BTBD8: variants seen among roughly 807,000 people sequenced by gnomAD.
BTBD8 encodes the protein BTB/POZ domain-containing protein 8.
Under a neutral mutation model 162.9 loss-of-function variants are expected in BTBD8, and 110 were observed. That is an observed-to-expected ratio of 0.68 (90% confidence interval 0.58 to 0.79). The LOEUF (loss-of-function observed/expected upper bound fraction) is 0.79, where lower values mean the gene tolerates loss of function less well. Ranked by LOEUF, BTBD8 falls within the 30% of genes least tolerant of loss-of-function variation. The pLI is 0.00. For missense variants in BTBD8, 1,905 were observed against 2,085.4 expected (o/e 0.91, Z 1.68); for synonymous variants, 667 against 716.1 (o/e 0.93, Z 1.10).
chr1:92,093,894 G>T (rs1236889272), intron 2 of BTBD8, among the ~76,000 whole-genome samples: 2 of 152,166 alleles, frequency 1.3e-5, no homozygotes, highest in Non-Finnish European at 2.9e-5. Context: ...TTTAAAAGAA[G>T]ATCCTTGGCA....
At chr1:92,132,326 T>G (rs1649535495) in intron 5 of BTBD8, among the ~76,000 whole-genome samples, 2 of 152,144 alleles carry the variant, frequency 1.3e-5, no homozygotes, top group South Asian at 4.1e-4. Flanking sequence ...TTTTTTTTTT[T>G]TCAGTCTTCC....
chr1:92,158,827 G>A lies in BTBD8; in HGVS notation c.1123-8131G>A, dbSNP rs1046818039. 2.0e-5 allele frequency among the ~76,000 whole-genome samples: 3 copies of A among 152,170 alleles called. No individual in the cohort carries two copies. In the South Asian group the frequency reaches 6.2e-4, roughly 32 times the overall value. Reference sequence around the variant, plus strand: ...ATCTCACTCTGTCACCCAAGCTGGAGTGCAGTGGCATGATCACAGCTCACT... The same window carrying A: ...ATCTCACTCTGTCACCCAAGCTGGAATGCAGTGGCATGATCACAGCTCACT... On this transcript the variant is annotated intron_variant, in intron 9 of 17. Transcript: ENST00000636805.
At chr1:92,098,902 A>G (rs1421697100) in intron 2 of BTBD8, among the ~76,000 whole-genome samples, 1 of 152,152 alleles carries the variant, frequency 6.6e-6, no homozygotes, top group African/African-American at 2.4e-5. Context: ...GAAATCAAAC[A>G]TCTTTAATTT....
rs1364409243 is a variant in BTBD8 at position 92,139,446 on chromosome 1, TAATAATTTAA to T, written c.833+21_833+30del. ...CTAATGTTGGGTATGTATTCCTTTTTAATAATTTAAAATATAAAAGAGTTAGGTTCTGCTT... is the reference window on the plus strand; with the variant it reads ...CTAATGTTGGGTATGTATTCCTTTTTAATATAAAAGAGTTAGGTTCTGCTT... On this transcript the variant is annotated intron_variant, in intron 6 of 17. Transcript: ENST00000636805. 5 of 1,595,066 alleles carry T rather than the reference TAATAATTTAA, an allele frequency of 3.1e-6. No individual in the cohort carries two copies. In the East Asian group the frequency reaches 1.1e-4, roughly 36 times the overall value.
At chr1:92,165,468 A>G (rs993745215) in intron 9 of BTBD8, among the ~76,000 whole-genome samples, 2 of 152,068 alleles carry the variant, frequency 1.3e-5, no homozygotes, top group African/African-American at 2.4e-5. Flanking sequence ...TCTGATGTAG[A>G]TATATGGTAT....
chr1:92,135,112 AC>A (rs1348666587), intron 5 of BTBD8, among the ~76,000 whole-genome samples: 1 of 150,736 alleles, frequency 6.6e-6, no homozygotes, highest in African/African-American at 2.4e-5. Flanking sequence ...GCTGGTCTCG[AC>A]CTCCTGACCT....
intron 9 of BTBD8, among the ~76,000 whole-genome samples, chr1:92,166,745 G>A (rs1386076985): frequency 6.6e-6 from 1 of 151,956 alleles, no homozygotes; most frequent in African/African-American, 2.4e-5. Context: ...ACCTTTTAAA[G>A]GTGGTTTCTT....
Position 92,080,563 on chromosome 1 carries a change from CTG to C in BTBD8, c.-6_-5del. Reference sequence around the variant, plus strand: ...ACTGGGCCTCCAGGGCGTCGTACCTCTGTGAGACATGGCTCGCTGTGGGGAAG... The same window carrying C: ...ACTGGGCCTCCAGGGCGTCGTACCTCTGAGACATGGCTCGCTGTGGGGAAG... On this transcript the variant is annotated 5_prime_UTR_variant, in exon 1 of 18. Transcript: ENST00000636805. The C allele has an allele frequency of 6.2e-7, 1 of 1,613,694 alleles. No homozygotes were observed.
chr1:92,167,052 C>T lies in BTBD8; in HGVS notation c.1217C>T (p.Ala406Val), dbSNP rs1417072602. Reference sequence around the variant, plus strand: ...TGGACGGAAGCAGCACTGACCATGGCGTCTCAGCTTCAAGAAAAATGTATT... The same window carrying T: ...TGGACGGAAGCAGCACTGACCATGGTGTCTCAGCTTCAAGAAAAATGTATT... ...VKWTEAALTM[A>V]SQLQEKCIAF... Residue 406 changes from alanine to valine, a missense_variant, in exon 10 of 18, where the codon GCG becomes GTG. By Grantham distance (64) the Ala-to-Val change is moderately conservative. Transcript: ENST00000636805. The T allele has an allele frequency of 7.7e-6, 12 of 1,550,588 alleles. No homozygotes were observed. The highest frequency in any genetic ancestry group is 4.9e-5 in the East Asian group (2 of 40,920).
rs1570707666 is a variant in BTBD8 at position 92,080,388 on chromosome 1, C to A, written c.-184C>A. 5.0e-6 allele frequency: 4 copies of A among 802,516 alleles called. No homozygotes were observed. Among genetic ancestry groups the A allele is most frequent in the Middle Eastern group, 3.8e-4 (1 of 2,610 alleles). The allele number at this position is 802,516 out of a possible 1,614,324, so 49.7% of individuals were successfully genotyped here. ...GGCTCGGTTCTGGGATTCTGAGGCTCCCCACCGCGGTCCGGCTTCTCTGGG... is the reference window on the plus strand; with the variant it reads ...GGCTCGGTTCTGGGATTCTGAGGCTACCCACCGCGGTCCGGCTTCTCTGGG... On this transcript the variant is annotated 5_prime_UTR_variant, in exon 1 of 18. Coordinates refer to ENST00000636805, the MANE Select transcript of BTBD8 (RefSeq NM_001376131.1).
In BTBD8 at chr1:92,147,205, T is replaced by C; in HGVS notation, c.956T>C (p.Ile319Thr). Residue 319 changes from isoleucine to threonine, a missense_variant, in exon 8 of 18, where the codon ATA (isoleucine) becomes ACA (threonine). Physicochemically the swap from Ile to Thr is moderately conservative, Grantham distance 89. Coordinates refer to ENST00000636805, the MANE Select transcript of BTBD8 (RefSeq NM_001376131.1). ...QKPVPRTLTSILECLIIAHSV... is the reference protein window; with the variant it reads ...QKPVPRTLTSTLECLIIAHSV... ...CCTGTTCCCAGAACATTGACGTCTA[T>C]ACTAGAATGCCTGATTATTGCTCAT... 1 of 1,612,274 alleles carries C rather than the reference T, an allele frequency of 6.2e-7. No individual in the cohort carries two copies.
Position 92,182,072 on chromosome 1 carries a change from A to G in BTBD8, c.4389A>G (p.Val1463=). 6.4e-7 allele frequency: 1 copy of G among 1,551,556 alleles called. No individual in the cohort carries two copies. Among genetic ancestry groups the G allele is most frequent in the Non-Finnish European group, 8.7e-7 (1 of 1,146,924 alleles). ...TCCATACTCCCTTTCAGGCTTCTGT[A>G]GATTCTTTTTCACCTTCTGATGTTT... The part of the protein sequence containing the change: ...GEVHTPFQAS[V]DSFSPSDVFD... The change falls in exon 17 of 18, where the codon GTA becomes GTG. Residue 1463 remains valine, a synonymous_variant. Coordinates refer to ENST00000636805, the MANE Select transcript of BTBD8 (RefSeq NM_001376131.1).
intron 2 of BTBD8, among the ~76,000 whole-genome samples, chr1:92,100,463 G>A (rs1191100012): frequency 6.6e-6 from 1 of 151,856 alleles, no homozygotes; most frequent in African/African-American, 2.4e-5. Context: ...TTTCTTTGAG[G>A]GAAGATTTTG....
rs1444888948 is a variant in BTBD8, at chr1:92,107,946, C to T, written c.607C>T (p.Pro203Ser). 1.2e-6 allele frequency: 2 copies of T among 1,614,014 alleles called. No homozygotes were observed. The highest frequency in any genetic ancestry group is 8.5e-7 in the Non-Finnish European group (1 of 1,179,982). ...GEDLLKLYVK[P>S]CCPDIDIFVD... ...AGATTTATTGAAGCTTTATGTGAAA[C>T]CTTGTTGCCCAGATATTGATATTTT... Residue 203 changes from proline to serine, a missense_variant, in exon 4 of 18, where the codon CCT becomes TCT. By Grantham distance (74) the Pro-to-Ser change is moderately conservative. Coordinates refer to ENST00000636805, the MANE Select transcript of BTBD8 (RefSeq NM_001376131.1).
intron 4 of BTBD8, among the ~76,000 whole-genome samples, chr1:92,124,986 G>A (rs1039454579): frequency 6.6e-6 from 1 of 152,028 alleles, no homozygotes; most frequent in Admixed American, 6.5e-5. Context: ...ATTGTGGAAT[G>A]TATTTTTTAT....
chr1:92,138,894 C>T lies in BTBD8; in HGVS notation c.753-456C>T, dbSNP rs144438650. ...TTCTTTTTCATTTGTGTAATGAGTA[C>T]GTTGGCCAATCTTAGAGCCACTGAC... is the stretch of plus-strand genomic sequence containing the variant. On this transcript the variant is annotated intron_variant, in intron 5 of 17. Coordinates refer to ENST00000636805, the MANE Select transcript of BTBD8 (RefSeq NM_001376131.1). Among the ~76,000 whole-genome samples the T allele has an allele frequency of 1.8e-3, 278 of 152,220 alleles. 3 individuals are homozygous for T. The highest frequency in any genetic ancestry group is 6.0e-3 in the African/African-American group (250 of 41,534).
At chr1:92,151,023 A>G (rs1650031027) in intron 9 of BTBD8, 1 of 152,192 alleles carries the variant, frequency 6.6e-6, no homozygotes, top group Non-Finnish European at 1.5e-5. Context: ...TGAGAAAATA[A>G]GTGTAAGATA....
intron 4 of BTBD8, among the ~76,000 whole-genome samples, chr1:92,118,810 T>TTTTTTTTTTTTTTTTTTC: frequency 6.8e-6 from 1 of 147,506 alleles, no homozygotes; most frequent in Non-Finnish European, 1.5e-5. Context: ...TTTCTTTTTT[T>TTTTTTTTTTTTTTTTTTC]TTTTTTTTTT....
intron 3 of BTBD8, among the ~76,000 whole-genome samples, chr1:92,105,586 T>C (rs1648705868): frequency 6.6e-6 from 1 of 152,244 alleles, no homozygotes; most frequent in African/African-American, 2.4e-5. Flanking sequence ...ATGTAACCTG[T>C]CCCAAATTCA....
Sources: allele counts gnomAD v4.1 joint callset (sites outside exome capture counted in the v4.1 genomes callset), GRCh38; gene constraint gnomAD v4.1.1; transcripts MANE v1.5; gene names NCBI Gene and HGNC (gene_info 2026-07-23, HGNC 2026-07-21).